Variants in SIPA1L2 observed in about 807,000 individuals in gnomAD.
SIPA1L2 encodes the protein signal induced proliferation associated 1 like 2.
A neutral mutation model predicts 163.9 loss-of-function variants in SIPA1L2; 56 were observed. The ratio of observed to expected loss-of-function variants is 0.34; its 90% CI spans 0.28 to 0.43. SIPA1L2 has a LOEUF of 0.43. Among genes scored for constraint, SIPA1L2 ranks in the 20% least tolerant of loss-of-function variants. The pLI is 1.00. For missense variants in SIPA1L2, 1,974 were observed against 2,193.5 expected (o/e 0.90, Z 2.00); for synonymous variants, 877 against 865.7 (o/e 1.01, Z -0.23).
chr1:232,510,000 C>T (rs980322557), intron 3 of SIPA1L2, among the ~76,000 whole-genome samples: 1 of 152,142 alleles, frequency 6.6e-6, no homozygotes, highest in Non-Finnish European at 1.5e-5. Context: ...AGTGACCTCA[C>T]GGATTGCCTC....
At chr1:232,532,443 T>C (rs937843374) in intron 2 of SIPA1L2, among the ~76,000 whole-genome samples, 3 of 152,174 alleles carry the variant, frequency 2.0e-5, no homozygotes, top group African/African-American at 7.2e-5. Flanking sequence ...ATACTAACAG[T>C]ATTTTTGCTG....
rs144095814 is a variant in SIPA1L2 at position 232,417,503 on chromosome 1, G to C, written c.4631-1878C>G. On this transcript the variant is annotated intron_variant, in intron 18 of 22. Transcript: ENST00000674635. ...CTTGCCAAGAGGTTAACCAGCAGAGGAGGGAAGCAGCAACGCAGGAGTGGG... is the reference window on the plus strand; with the variant it reads ...CTTGCCAAGAGGTTAACCAGCAGAGCAGGGAAGCAGCAACGCAGGAGTGGG... 4.6e-5 allele frequency among the ~76,000 whole-genome samples: 7 copies of C among 152,228 alleles called. No individual in the cohort carries two copies. The East Asian group carries it at 1.2e-3, about 25-fold the overall frequency.
intron 1 of SIPA1L2, among the ~76,000 whole-genome samples, chr1:232,611,590 A>AT (rs1192089139): frequency 6.6e-6 from 1 of 152,156 alleles, no homozygotes; most frequent in African/African-American, 2.4e-5. Context: ...GACTAGTGGC[A>AT]TTTTACCCTT....
intron 2 of SIPA1L2, among the ~76,000 whole-genome samples, chr1:232,559,760 A>AC (rs1658925703): frequency 6.6e-6 from 1 of 152,174 alleles, no homozygotes; most frequent in African/African-American, 2.4e-5. Flanking sequence ...TTAATAGGTT[A>AC]CCTGTATAAA....
At chr1:232,614,276 A>G (rs1662394004) in intron 1 of SIPA1L2, among the ~76,000 whole-genome samples, 1 of 152,136 alleles carries the variant, frequency 6.6e-6, no homozygotes, top group South Asian at 2.1e-4. Context: ...CCATTAATGG[A>G]AAGTCAAAGC....
At position 232,601,052 on chromosome 1, in the gene SIPA1L2, C is replaced by T. The variant is rs146195673; in HGVS notation, c.-318-26830G>A. ...AGGCAAGAGCAGGCACCAACAACAG[C>T]CCCGATGGTATCCCCTAGAGGAGAG... On this transcript the variant is annotated intron_variant, in intron 1 of 22. Transcript: ENST00000674635. Among the ~76,000 whole-genome samples, 361 of 152,308 alleles carry T rather than the reference C, an allele frequency of 2.4e-3. 3 individuals are homozygous for T. Among genetic ancestry groups the T allele is most frequent in the African/African-American group, 7.1e-3 (297 of 41,564 alleles).
chr1:232,478,683 CTT>C (rs2102965026), intron 7 of SIPA1L2, among the ~76,000 whole-genome samples: 1 of 152,238 alleles, frequency 6.6e-6, no homozygotes, highest in East Asian at 1.9e-4. Context: ...TGAAAACAAA[CTT>C]TAACTCTGGA....
At chr1:232,399,344 G>A (rs900689061) in intron 22 of SIPA1L2, 71 bp from the exon 23 acceptor site, 24 of 1,499,730 alleles carry the variant, frequency 1.6e-5, no homozygotes, top group African/African-American at 8.3e-5. Flanking sequence ...GCTGGGCTAC[G>A]AGAATCTTTG....
chr1:232,529,490 G>A (rs1667871318), intron 2 of SIPA1L2, among the ~76,000 whole-genome samples: 1 of 152,206 alleles, frequency 6.6e-6, no homozygotes, highest in African/African-American at 2.4e-5. Context: ...GCTTGGCGGA[G>A]GCCAGTAAAA....
chr1:232,622,932 A>G (rs1366278528), intron 1 of SIPA1L2, among the ~76,000 whole-genome samples: 1 of 152,246 alleles, frequency 6.6e-6, no homozygotes, highest in Admixed American at 6.5e-5. Flanking sequence ...TCTTTAACAA[A>G]TATTTGTTTA....
chr1:232,624,561 T>C (rs1481181363), intron 1 of SIPA1L2, among the ~76,000 whole-genome samples: 2 of 152,234 alleles, frequency 1.3e-5, no homozygotes, highest in Non-Finnish European at 2.9e-5. Context: ...GTTCTTACTT[T>C]CCACAATAAC....
In SIPA1L2 at chr1:232,498,922, C is replaced by T. The variant is rs185723807; in HGVS notation, c.1484-5262G>A. The stretch of plus-strand genomic sequence containing the variant: ...ACACCTCTGGAGTCCATTATTTAGC[C>T]TTCCAAATATACTTAATCCACTTTA... On this transcript the variant is annotated intron_variant, in intron 3 of 22. Coordinates refer to ENST00000674635, the MANE Select transcript of SIPA1L2 (RefSeq NM_020808.5). 3.3e-5 allele frequency among the ~76,000 whole-genome samples: 5 copies of T among 152,306 alleles called. No homozygotes were observed. The East Asian group carries it at 9.6e-4, about 29-fold the overall frequency.
intron 2 of SIPA1L2, among the ~76,000 whole-genome samples, chr1:232,523,894 C>G (rs144843752): frequency 6.6e-6 from 1 of 152,198 alleles, no homozygotes; most frequent in Non-Finnish European, 1.5e-5. Flanking sequence ...GAAGATGCTT[C>G]CTTTCAACTT....
rs779597960 is a variant in SIPA1L2, at chr1:232,425,813, G to A, written c.4411-5C>T. 1.2e-6 allele frequency: 2 copies of A among 1,612,310 alleles called. No individual in the cohort carries two copies. The highest frequency in any genetic ancestry group is 4.5e-5 in the East Asian group (2 of 44,834). On this transcript the variant is annotated splice_polypyrimidine_tract_variant and splice_region_variant and intron_variant, in intron 17 of 22. Transcript: ENST00000674635. The stretch of plus-strand genomic sequence containing the variant: ...CAGGTTCCCATAGAACGAAAACTAG[G>A]GTTTAAACAAGGTGCGAGGAGGGAA...
At chr1:232,485,034 C>T (rs1414226444) in intron 5 of SIPA1L2, among the ~76,000 whole-genome samples, 1 of 152,206 alleles carries the variant, frequency 6.6e-6, no homozygotes, top group Non-Finnish European at 1.5e-5. Flanking sequence ...TGACAACATA[C>T]TATGCAAGAA....
chr1:232,400,118 G>C (rs1660248501), intron 22 of SIPA1L2, among the ~76,000 whole-genome samples: 1 of 152,070 alleles, frequency 6.6e-6, no homozygotes, highest in East Asian at 1.9e-4. Context: ...AAAAGACACT[G>C]GTCCTCAGAG....
At chr1:232,578,739 C>A (rs148558821) in intron 1 of SIPA1L2, among the ~76,000 whole-genome samples, 3 of 152,272 alleles carry the variant, frequency 2.0e-5, no homozygotes, top group African/African-American at 7.2e-5. Context: ...TCCTTTGTTA[C>A]AGCAAACATC....
intron 2 of SIPA1L2, among the ~76,000 whole-genome samples, chr1:232,564,158 GTGTGTGTGT>G (rs1659237896): frequency 6.3e-5 from 2 of 31,584 alleles, no homozygotes; most frequent in Non-Finnish European, 1.2e-4. Flanking sequence ...TCGTGTGTGT[GTGTGTGTGT>G]GTGTGTGTGT....
chr1:232,495,564 CA>C (rs386369969), intron 3 of SIPA1L2, among the ~76,000 whole-genome samples: 1,410 of 100,332 alleles, frequency 0.014, 9 homozygotes, highest in Non-Finnish European at 0.02. Context: ...GACTCCGTCT[CA>C]AAAAAAAAAA....
Sources: allele counts gnomAD v4.1 joint callset (sites outside exome capture counted in the v4.1 genomes callset), GRCh38; gene constraint gnomAD v4.1.1; transcripts MANE v1.5; gene names NCBI Gene and HGNC (gene_info 2026-07-23, HGNC 2026-07-21).